The following EFR3B variants were observed in gnomAD, a reference collection of about 807,000 sequenced individuals.
EFR3B encodes the protein EFR3 homolog B.
In EFR3B, 64 loss-of-function variants were observed where a neutral mutation model predicts 104.7. That is an observed-to-expected ratio of 0.61 (90% CI 0.50 to 0.75). EFR3B has a LOEUF of 0.75. Among genes scored for constraint, EFR3B ranks in the 30% least tolerant of loss-of-function variants. The pLI, the probability that EFR3B is intolerant of heterozygous loss-of-function variation, is 0.00. For missense variants in EFR3B, 750 were observed against 1,078.5 expected (o/e 0.70, Z 4.27); for synonymous variants, 385 against 417.9 (o/e 0.92, Z 0.96).
At chr2:25,081,987 T>C (rs564270020) in intron 1 of EFR3B, among the ~76,000 whole-genome samples, 1 of 152,182 alleles carries the variant, frequency 6.6e-6, no homozygotes, top group South Asian at 2.1e-4. Flanking sequence ...GACAGCTCAG[T>C]CAGGCAAACA....
At chr2:25,046,067 A>C (rs1667707583) in intron 1 of EFR3B, among the ~76,000 whole-genome samples, 1 of 152,072 alleles carries the variant, frequency 6.6e-6, no homozygotes, top group Non-Finnish European at 1.5e-5. Flanking sequence ...GCTGACTGTA[A>C]ATAGCGACAG....
At chr2:25,153,022 C>T (rs918251677) in intron 21 of EFR3B, among the ~76,000 whole-genome samples, 4 of 152,148 alleles carry the variant, frequency 2.6e-5, no homozygotes, top group African/African-American at 9.7e-5. Context: ...CATCTCTAAG[C>T]CACCAGTTTT....
Position 25,137,631 on chromosome 2 carries a change from T to C in EFR3B, c.1722+129T>C, listed in dbSNP as rs924688435. The C allele has an allele frequency of 1.5e-6, 2 of 1,376,346 alleles. No homozygotes were observed. The highest frequency in any genetic ancestry group is 2.9e-5 in the African/African-American group (2 of 68,896). The allele number at this position is 1,376,346 out of a possible 1,614,324, so 85.3% of individuals were successfully genotyped here. A position where few individuals can be genotyped will look rare whatever the true frequency, so the allele number is the denominator to read the frequency against. On this transcript the variant is annotated intron_variant, in intron 15 of 22. Coordinates refer to ENST00000403714, the MANE Select transcript of EFR3B (RefSeq NM_014971.2). The surrounding 1 kb of genome is among the most constrained non-coding windows in gnomAD (Gnocchi z 4.7). ...TTGGAGCCCAGGAATATTGTACTCG[T>C]GGTTGGCCACGCCTCCCTGAAGACC...
intron 4 of EFR3B, among the ~76,000 whole-genome samples, chr2:25,119,928 A>G (rs1026662171): frequency 1.3e-5 from 2 of 152,342 alleles, no homozygotes; most frequent in African/African-American, 4.8e-5. Context: ...GAAGAATACT[A>G]TATCCTTTTT....
chr2:25,067,426 G>T (rs2002947), intron 1 of EFR3B, among the ~76,000 whole-genome samples: 27,781 of 142,600 alleles, frequency 0.19, 2,763 homozygotes, highest in East Asian at 0.26. Context: ...TTTAGTTTTT[G>T]TTTTTTTTTT....
At chr2:25,074,101 G>A (rs534252717) in intron 1 of EFR3B, among the ~76,000 whole-genome samples, 2 of 152,288 alleles carry the variant, frequency 1.3e-5, no homozygotes, top group East Asian at 1.9e-4. Flanking sequence ...CAATATATGA[G>A]TCAGCAAATC....
chr2:25,136,747 C>G lies in EFR3B; in HGVS notation c.1560+149C>G. The G allele has an allele frequency of 1.5e-6, 1 of 666,062 alleles. No homozygotes were observed. Among genetic ancestry groups the G allele is most frequent in the Non-Finnish European group, 2.6e-6 (1 of 391,128 alleles). 41.3% of individuals were successfully genotyped at this position (666,062 alleles called of 1,614,324 possible). A position where few individuals can be genotyped will look rare whatever the true frequency, so the allele number is the denominator to read the frequency against. ...CCAGACCAACATGGTAAAATCCCAT[C>G]TTTACTAAAGCTACAAAAATTAACC... On this transcript the variant is annotated intron_variant, in intron 14 of 22. Coordinates refer to ENST00000403714, the MANE Select transcript of EFR3B (RefSeq NM_014971.2). The surrounding 1 kb of genome is among the most constrained non-coding windows in gnomAD (Gnocchi z 4.0).
Position 25,136,520 on chromosome 2 carries a change from C to T in EFR3B, c.1485-3C>T, listed in dbSNP as rs1670518579. On this transcript the variant is annotated splice_polypyrimidine_tract_variant and splice_region_variant and intron_variant, in intron 13 of 22. Transcript: ENST00000403714. This position sits in a 1 kb window ranked among gnomAD's most constrained non-coding sequence, Gnocchi z 4.0. ...TAAGGAGGCCCTTTGCATCCCTTCC[C>T]AGTACCCTCAGTGACATCTCTGTCC... 6.4e-7 allele frequency: 1 copy of T among 1,551,358 alleles called. No individual in the cohort carries two copies. Among genetic ancestry groups the T allele is most frequent in the African/African-American group, 1.4e-5 (1 of 73,166 alleles).
Position 25,131,696 on chromosome 2 carries a change from AGAG to A in EFR3B, c.986-46_986-44del, listed in dbSNP as rs1345032075. On this transcript the variant is annotated intron_variant, in intron 9 of 22. Transcript: ENST00000403714. This position sits in a 1 kb window ranked among gnomAD's most constrained non-coding sequence, Gnocchi z 7.6. ...CCTGCCCTGCCTGCGCGCGGTGCACAGAGGAGGAGGGTGCCAGCCTTGGATCTC... is the reference window on the plus strand; with the variant it reads ...CCTGCCCTGCCTGCGCGCGGTGCACAGAGGAGGGTGCCAGCCTTGGATCTC... 2.0e-6 allele frequency: 3 copies of A among 1,481,880 alleles called. No individual in the cohort carries two copies. The highest frequency in any genetic ancestry group is 1.4e-5 in the African/African-American group (1 of 71,290). 91.8% of individuals were successfully genotyped at this position (1,481,880 alleles called of 1,614,324 possible).
At chr2:25,089,083 G>T (rs1382372419) in intron 1 of EFR3B, among the ~76,000 whole-genome samples, 1 of 152,168 alleles carries the variant, frequency 6.6e-6, no homozygotes, top group Non-Finnish European at 1.5e-5. Context: ...ATATAGCAAG[G>T]GGTGGCCTGA....
intron 1 of EFR3B, among the ~76,000 whole-genome samples, chr2:25,043,870 G>A (rs1350015361): frequency 6.6e-6 from 1 of 152,206 alleles, no homozygotes; most frequent in Non-Finnish European, 1.5e-5. Flanking sequence ...CAGTGGGGAA[G>A]GAGTTAGGAC....
chr2:25,044,806 C>T (rs1667673372), intron 1 of EFR3B, among the ~76,000 whole-genome samples: 1 of 152,044 alleles, frequency 6.6e-6, no homozygotes, highest in Non-Finnish European at 1.5e-5. Context: ...GTTTCCCATC[C>T]CTCCCCCTCC....
Position 25,130,428 on chromosome 2 carries a change from A to G in EFR3B, c.771-124A>G. On this transcript the variant is annotated intron_variant, in intron 7 of 22. Coordinates refer to ENST00000403714, the MANE Select transcript of EFR3B (RefSeq NM_014971.2). The surrounding 1 kb of genome is among the most constrained non-coding windows in gnomAD (Gnocchi z 4.6). ...ACTACCCCAAGGCCCTTCAGGCTTCACTTCCTCACCCGGGAACTGTGCGAG... is the reference window on the plus strand; with the variant it reads ...ACTACCCCAAGGCCCTTCAGGCTTCGCTTCCTCACCCGGGAACTGTGCGAG... 1.1e-6 allele frequency: 1 copy of G among 928,324 alleles called. No individual in the cohort carries two copies. Among genetic ancestry groups the G allele is most frequent in the Non-Finnish European group, 1.7e-6 (1 of 585,486 alleles). The allele number at this position is 928,324 out of a possible 1,614,324, so 57.5% of individuals were successfully genotyped here.
chr2:25,073,223 A>G (rs1301513150), intron 1 of EFR3B, among the ~76,000 whole-genome samples: 1 of 152,194 alleles, frequency 6.6e-6, no homozygotes, highest in Non-Finnish European at 1.5e-5. Flanking sequence ...CCTCCCACAG[A>G]CAAAGAAACC....
At chr2:25,120,275 C>T (rs550397689) in intron 4 of EFR3B, among the ~76,000 whole-genome samples, 12 of 151,880 alleles carry the variant, frequency 7.9e-5, no homozygotes, top group African/African-American at 2.2e-4. Context: ...CGCTTGAACC[C>T]GAGAGGAGGA....
Position 25,132,804 on chromosome 2 carries a change from G to C in EFR3B, c.1148-99G>C, listed in dbSNP as rs1402469305. The C allele has an allele frequency of 3.4e-5, 33 of 974,990 alleles. No individual in the cohort carries two copies. The Admixed American group carries it at 6.9e-4, about 21-fold the overall frequency. 60.4% of individuals were successfully genotyped at this position (974,990 alleles called of 1,614,324 possible). ...CTTTCTCTGGTCCTGGATTGACTCC[G>C]GAGAGAGGCAGCCCTCGCTCTCTGC... On this transcript the variant is annotated intron_variant, in intron 10 of 22. Coordinates refer to ENST00000403714, the MANE Select transcript of EFR3B (RefSeq NM_014971.2).
rs543241401 is a variant in EFR3B, at chr2:25,099,048, C to A, written c.213-4589C>A. Among the ~76,000 whole-genome samples the A allele has an allele frequency of 3.7e-4, 57 of 152,074 alleles. 1 individual carries two copies. The highest frequency in any genetic ancestry group is 3.4e-3 in the Middle Eastern group (1 of 294). Reference sequence around the variant, plus strand: ...CTGCAGATCCCTTCATACAGAAGGACGCTGGGATGATTCGTAAGGGAAGAG... The same window carrying A: ...CTGCAGATCCCTTCATACAGAAGGAAGCTGGGATGATTCGTAAGGGAAGAG... On this transcript the variant is annotated intron_variant, in intron 3 of 22. Coordinates refer to ENST00000403714, the MANE Select transcript of EFR3B (RefSeq NM_014971.2).
intron 19 of EFR3B, 75 bp downstream of exon 19, chr2:25,145,126 C>CCACTA: frequency 1.5e-6 from 2 of 1,353,758 alleles, no homozygotes; most frequent in Non-Finnish European, 2.1e-6. Flanking sequence ...GCTCCCCTGC[C>CCACTA]TGCATAGTGG....
At chr2:25,054,263 A>G (rs1667960408) in intron 1 of EFR3B, among the ~76,000 whole-genome samples, 2 of 152,176 alleles carry the variant, frequency 1.3e-5, no homozygotes, top group South Asian at 4.1e-4. Flanking sequence ...GTCTATGTAC[A>G]TGGACTTATA....
Sources: gnomAD v4.1 joint callset for allele counts (sites outside exome capture counted in the v4.1 genomes callset) on GRCh38, gnomAD v4.1.1 for gene constraint, Gnocchi (gnomAD v3.1) non-coding constraint, MANE v1.5 for transcripts, NCBI Gene and HGNC (gene_info 2026-07-23, HGNC 2026-07-21) for gene names.